Variants in SMAD9 observed in about 807,000 individuals in gnomAD.
The protein encoded by SMAD9 is SMAD family member 9.
A neutral mutation model predicts 46.1 loss-of-function variants in SMAD9; 36 were observed. That is an observed-to-expected ratio of 0.78 (90% CI 0.60 to 1.03). SMAD9 has a LOEUF of 1.03. Ranked by LOEUF, SMAD9 falls within the 50% of genes least tolerant of loss-of-function variation. SMAD9 has a pLI of 0.00. For missense variants in SMAD9, 572 were observed against 599.8 expected, an observed-to-expected ratio of 0.95 and a Z score of 0.48; for synonymous variants, 245 against 237.1, an observed-to-expected ratio of 1.03 and a Z score of -0.31.
chr13:36,919,543 G>A (rs1408990859), intron 1 of SMAD9, among the ~76,000 whole-genome samples: 1 of 152,066 alleles, frequency 6.6e-6, no homozygotes, highest in East Asian at 1.9e-4. Context: ...TTCGGCGCTG[G>A]CGAGTTTAAA....
intron 1 of SMAD9, among the ~76,000 whole-genome samples, chr13:36,889,448 G>A (rs949490855): frequency 2.6e-5 from 4 of 152,082 alleles, no homozygotes; most frequent in East Asian, 1.9e-4. Context: ...TACTTAAATC[G>A]CAAGAACTCA....
In SMAD9 at chr13:36,865,519, T is replaced by A; in HGVS notation, c.1003+18A>T. On this transcript the variant is annotated intron_variant, in intron 5 of 6. Transcript: ENST00000379826. ...CATTTCGGCTAGATGACTAAAGGAATAACATCTTTGCTCTTACCCTTTCCT... is the reference window on the plus strand; with the variant it reads ...CATTTCGGCTAGATGACTAAAGGAAAAACATCTTTGCTCTTACCCTTTCCT... The A allele has an allele frequency of 1.3e-6, 2 of 1,596,170 alleles. No homozygotes were observed. The highest frequency in any genetic ancestry group is 1.7e-6 in the Non-Finnish European group (2 of 1,164,502).
In SMAD9 at chr13:36,845,497, C is replaced by T. The variant is rs940232504; in HGVS notation, c.*3179G>A. The stretch of plus-strand genomic sequence containing the variant: ...AATGTTCTGGGTCTTGTGAGCAGAC[C>T]GAAATGTTACTACAGTGTTCTCTAT... On this transcript the variant is annotated 3_prime_UTR_variant, in exon 7 of 7. Transcript: ENST00000379826. The T allele has an allele frequency of 7.3e-6, 1 of 136,408 alleles. No individual in the cohort carries two copies. Among genetic ancestry groups the T allele is most frequent in the Admixed American group, 7.0e-5 (1 of 14,200 alleles). The allele number at this position is 136,408 out of a possible 1,614,324, so 8.4% of individuals were successfully genotyped here.
intron 1 of SMAD9, among the ~76,000 whole-genome samples, chr13:36,914,168 C>G (rs1204434446): frequency 1.3e-5 from 2 of 152,208 alleles, no homozygotes; most frequent in African/African-American, 4.8e-5. Flanking sequence ...GTAACACCCT[C>G]TTTCCACACT....
At chr13:36,881,537 A>G (rs1000338696) in intron 1 of SMAD9, among the ~76,000 whole-genome samples, 1 of 152,192 alleles carries the variant, frequency 6.6e-6, no homozygotes, top group Non-Finnish European at 1.5e-5. Context: ...TCCCACAATA[A>G]CGGATGAGAT....
chr13:36,857,648 G>A (rs1333453925), intron 5 of SMAD9, among the ~76,000 whole-genome samples: 1 of 152,188 alleles, frequency 6.6e-6, no homozygotes, highest in Non-Finnish European at 1.5e-5. Context: ...AAGAGGGCAG[G>A]TTGGGCAGGC....
chr13:36,911,347 G>C (rs894541158), intron 1 of SMAD9, among the ~76,000 whole-genome samples: 1 of 151,872 alleles, frequency 6.6e-6, no homozygotes, highest in African/African-American at 2.4e-5. Flanking sequence ...ATTAATTGAA[G>C]TTCTAACCTA....
At chr13:36,854,144 G>A (rs2058100204) in intron 5 of SMAD9, among the ~76,000 whole-genome samples, 2 of 151,864 alleles carry the variant, frequency 1.3e-5, no homozygotes, top group Admixed American at 6.6e-5. Context: ...GGGTGACAGA[G>A]CAAGATGTCA....
rs1593540607 is a variant in SMAD9 at position 36,847,228 on chromosome 13, G to A, written c.*1448C>T. 1 of 152,316 alleles carries A rather than the reference G, an allele frequency of 6.6e-6. No individual in the cohort carries two copies. Among genetic ancestry groups the A allele is most frequent in the East Asian group, 1.9e-4 (1 of 5,180 alleles). The allele number at this position is 152,316 out of a possible 1,614,324, so 9.4% of individuals were successfully genotyped here. A position where few individuals can be genotyped will look rare whatever the true frequency, so the allele number is the denominator to read the frequency against. On this transcript the variant is annotated 3_prime_UTR_variant, in exon 7 of 7. Coordinates refer to ENST00000379826, the MANE Select transcript of SMAD9 (RefSeq NM_001127217.3). The stretch of plus-strand genomic sequence containing the variant: ...CTACCATGTGCACTAATGCTAGAAA[G>A]AGTTGAGATAAAATGTATAAATGAA...
At position 36,865,683 on chromosome 13, in the gene SMAD9, C is replaced by A. The variant is rs770196600; in HGVS notation, c.857G>T (p.Gly286Val). 1 of 1,614,100 alleles carries A rather than the reference C, an allele frequency of 6.2e-7. No homozygotes were observed. The highest frequency in any genetic ancestry group is 1.1e-5 in the South Asian group (1 of 91,068). ...TCGGGAGGAAGCCTGGAATGTCTCC[C>A]CAACTCGGTTGTTCAGTTCATAGTA... ...VAYYELNNRV[G>V]ETFQASSRSV... is the part of the protein sequence containing the mutation. Residue 286 changes from glycine to valine, a missense_variant, in exon 5 of 7, where the codon GGG (glycine) becomes GTG (valine). By Grantham distance (109) the Gly-to-Val change is moderately radical. Transcript: ENST00000379826.
intron 1 of SMAD9, among the ~76,000 whole-genome samples, chr13:36,916,966 C>A (rs557554641): frequency 6.6e-6 from 1 of 151,890 alleles, no homozygotes; most frequent in Non-Finnish European, 1.5e-5. Context: ...ATTTTAACTG[C>A]AGCATAAAAT....
At position 36,847,120 on chromosome 13, in the gene SMAD9, CTG is replaced by C. The variant is rs2058042651; in HGVS notation, c.*1554_*1555del. ...AGTTTCTATTAGCTAACACTAGTAA[CTG>C]TAAGAGGTGACAGTAGTAGCTCAAT... On this transcript the variant is annotated 3_prime_UTR_variant, in exon 7 of 7. Transcript: ENST00000379826. 1 of 152,180 alleles carries C rather than the reference CTG, an allele frequency of 6.6e-6. No homozygotes were observed. The highest frequency in any genetic ancestry group is 2.4e-5 in the African/African-American group (1 of 41,438). 9.4% of individuals were successfully genotyped at this position (152,180 alleles called of 1,614,324 possible).
rs1487254184 is a variant in SMAD9 at position 36,890,803 on chromosome 13, A to C, written c.-186-10928T>G. ...CCTCTCTCCCTTTCTCTCACCCCCC[A>C]CTCTCCCCTCTCCACACCCCCATGA... On this transcript the variant is annotated intron_variant, in intron 1 of 6. Coordinates refer to ENST00000379826, the MANE Select transcript of SMAD9 (RefSeq NM_001127217.3). Among the ~76,000 whole-genome samples the C allele has an allele frequency of 6.3e-5, 9 of 142,896 alleles. No individual in the cohort carries two copies. The South Asian group carries it at 6.8e-4, about 11-fold the overall frequency. The allele number at this position is 142,896 out of a possible 152,430, so 93.7% of individuals were successfully genotyped here.
chr13:36,896,939 T>C (rs536169898), intron 1 of SMAD9, among the ~76,000 whole-genome samples: 2 of 152,292 alleles, frequency 1.3e-5, no homozygotes, highest in East Asian at 1.9e-4. Flanking sequence ...TAAGTTGCAT[T>C]TGAACTTTAC....
intron 1 of SMAD9, among the ~76,000 whole-genome samples, chr13:36,881,869 G>C (rs550098051): frequency 1.3e-5 from 2 of 152,184 alleles, no homozygotes; most frequent in Non-Finnish European, 2.9e-5. Flanking sequence ...CCCCAAAAGA[G>C]TTGTGAATTC....
chr13:36,846,688 AC>A lies in SMAD9; in HGVS notation c.*1987del, dbSNP rs2058040575. ...CAGGGAAGAAAGGGGAGGAAAAAAA[AC>A]AACTTTGAGACATGGAAGAAAAGTA... On this transcript the variant is annotated 3_prime_UTR_variant, in exon 7 of 7. Transcript: ENST00000379826. The A allele has an allele frequency of 2.6e-5, 4 of 152,138 alleles. No homozygotes were observed. In the South Asian group the frequency reaches 8.3e-4, roughly 32 times the overall value. 9.4% of individuals were successfully genotyped at this position (152,138 alleles called of 1,614,324 possible). A position where few individuals can be genotyped will look rare whatever the true frequency, so the allele number is the denominator to read the frequency against.
At chr13:36,868,218 C>T (rs1301709387) in intron 3 of SMAD9, among the ~76,000 whole-genome samples, 1 of 152,194 alleles carries the variant, frequency 6.6e-6, no homozygotes, top group Non-Finnish European at 1.5e-5. Context: ...TTCCTGGCCC[C>T]ATCCTTAGCA....
At chr13:36,893,255 ATTG>A (rs1460425400) in intron 1 of SMAD9, among the ~76,000 whole-genome samples, 4 of 152,014 alleles carry the variant, frequency 2.6e-5, no homozygotes, top group Admixed American at 6.5e-5. Context: ...TTTATCAGTC[ATTG>A]TTGATAGTGG....
chr13:36,869,041 T>C (rs573966917), intron 3 of SMAD9, among the ~76,000 whole-genome samples: 2 of 152,180 alleles, frequency 1.3e-5, no homozygotes, highest in African/African-American at 4.8e-5. Context: ...GAATCTAGTA[T>C]ATGAGGTACT....
Sources: gnomAD v4.1 joint callset for allele counts (sites outside exome capture counted in the v4.1 genomes callset) on GRCh38, gnomAD v4.1.1 for gene constraint, MANE v1.5 for transcripts, NCBI Gene and HGNC (gene_info 2026-07-23, HGNC 2026-07-21) for gene names.